The following HLCS variants were observed in gnomAD, a reference collection of about 807,000 sequenced individuals.
The protein encoded by HLCS is biotin--protein ligase.
In HLCS, 53 loss-of-function variants were observed where a neutral mutation model predicts 75.0. The ratio of observed to expected loss-of-function variants is 0.71; its 90% CI spans 0.57 to 0.89. HLCS has a LOEUF of 0.89. Ranked by LOEUF, HLCS falls within the 40% of genes least tolerant of loss-of-function variation. HLCS has a pLI of 0.00. For synonymous variants in HLCS, 431 were observed against 428.6 expected, an observed-to-expected ratio of 1.01 and a Z score of -0.07; for missense variants, 966 against 1,074.0, an observed-to-expected ratio of 0.90 and a Z score of 1.41.
upstream of HLCS, among the ~76,000 whole-genome samples, chr21:36,969,815 G>A (rs145929508): frequency 1.6e-4 from 24 of 152,018 alleles, no homozygotes; most frequent in African/African-American, 3.9e-4. Context: ...TCAGGTGATC[G>A]TCCCACCTCA....
At chr21:36,783,449 C>T (rs779750049) in intron 6 of HLCS, among the ~76,000 whole-genome samples, 14 of 152,282 alleles carry the variant, frequency 9.2e-5, no homozygotes, top group Middle Eastern at 6.8e-3. Flanking sequence ...CTTCTGGTTC[C>T]TTCAATGATT....
intron 7 of HLCS, among the ~76,000 whole-genome samples, chr21:36,765,438 G>A (rs766720033): frequency 6.6e-5 from 10 of 152,130 alleles, no homozygotes; most frequent in African/African-American, 9.7e-5. Flanking sequence ...GTCTTACAGC[G>A]TCTGAACATG....
At chr21:36,875,428 C>T (rs1053556664) in intron 6 of HLCS, among the ~76,000 whole-genome samples, 2 of 152,338 alleles carry the variant, frequency 1.3e-5, no homozygotes, top group East Asian at 1.9e-4. Context: ...CAGCCACTCA[C>T]ACTCTCCTCT....
intron 4 of HLCS, among the ~76,000 whole-genome samples, chr21:36,935,812 C>T (rs1037385644): frequency 1.5e-4 from 23 of 152,216 alleles, no homozygotes; most frequent in Non-Finnish European, 3.1e-4. Context: ...GAAAAAGAAA[C>T]TAGCATTTTC....
chr21:36,912,840 C>T (rs900772644), intron 5 of HLCS, among the ~76,000 whole-genome samples: 9 of 152,130 alleles, frequency 5.9e-5, no homozygotes, highest in Non-Finnish European at 1.2e-4. Context: ...CGAGGGGTCT[C>T]GCTGTGCTCT....
chr21:36,863,338 G>C (rs932047205), intron 6 of HLCS, among the ~76,000 whole-genome samples: 2 of 152,054 alleles, frequency 1.3e-5, no homozygotes, highest in Non-Finnish European at 2.9e-5. Context: ...GACCATCGCC[G>C]ATCCACTGAG....
At chr21:36,946,468 C>A in intron 2 of HLCS, among the ~76,000 whole-genome samples, 1 of 152,028 alleles carries the variant, frequency 6.6e-6, no homozygotes, top group Non-Finnish European at 1.5e-5. Context: ...TCTCAAACTC[C>A]TGAGCTCAAG....
At chr21:36,902,271 T>C (rs2065267312) in intron 5 of HLCS, among the ~76,000 whole-genome samples, 1 of 152,098 alleles carries the variant, frequency 6.6e-6, no homozygotes, top group South Asian at 2.1e-4. Context: ...TTGTTTGGTT[T>C]AGAGGGGAGA....
intron 6 of HLCS, among the ~76,000 whole-genome samples, chr21:36,782,127 T>C (rs2060554074): frequency 6.6e-6 from 1 of 152,198 alleles, no homozygotes; most frequent in Non-Finnish European, 1.5e-5. Flanking sequence ...CCTGTAATTT[T>C]TATACTGTCT....
chr21:36,780,901 A>G (rs2060507176), intron 6 of HLCS, among the ~76,000 whole-genome samples: 1 of 151,980 alleles, frequency 6.6e-6, no homozygotes, highest in Non-Finnish European at 1.5e-5. Flanking sequence ...AGAGTTTCTT[A>G]TATATTAGGG....
intron 6 of HLCS, among the ~76,000 whole-genome samples, chr21:36,772,462 C>G (rs2060236258): frequency 6.6e-6 from 1 of 151,268 alleles, no homozygotes; most frequent in Non-Finnish European, 1.5e-5. Flanking sequence ...CATGGCAAAA[C>G]CCCATGTCTA....
intron 5 of HLCS, among the ~76,000 whole-genome samples, chr21:36,915,983 T>C (rs1175007674): frequency 1.3e-5 from 2 of 151,944 alleles, no homozygotes; most frequent in Non-Finnish European, 2.9e-5. Context: ...CCAAATAAAA[T>C]GTGCTTACTA....
chr21:36,899,290 A>G (rs1601674564), intron 5 of HLCS, among the ~76,000 whole-genome samples: 1 of 152,088 alleles, frequency 6.6e-6, no homozygotes, highest in East Asian at 1.9e-4. Context: ...CATAATTAAG[A>G]GTAAAAAAAA....
intron 5 of HLCS, among the ~76,000 whole-genome samples, chr21:36,914,659 C>T (rs981037346): frequency 2.0e-5 from 3 of 152,216 alleles, no homozygotes; most frequent in African/African-American, 7.2e-5. Context: ...CCAAGCCAAA[C>T]AGGCTCACTG....
intron 6 of HLCS, among the ~76,000 whole-genome samples, chr21:36,821,831 T>C (rs879701926): frequency 1.3e-5 from 2 of 152,136 alleles, no homozygotes; most frequent in South Asian, 2.1e-4. Flanking sequence ...AGAGGAATTT[T>C]AAACGCACGC....
chr21:36,792,651 C>G (rs1031905876), intron 6 of HLCS, among the ~76,000 whole-genome samples: 7 of 152,170 alleles, frequency 4.6e-5, no homozygotes, highest in South Asian at 2.1e-4. Flanking sequence ...GCTCAGAGAA[C>G]TGAAGTTACT....
At chr21:36,971,310 T>C (rs542076426), upstream of HLCS, among the ~76,000 whole-genome samples, 1 of 152,270 alleles carries the variant, frequency 6.6e-6, no homozygotes, top group African/African-American at 2.4e-5. Flanking sequence ...GATTCTTGAA[T>C]GGGTGCTCTT....
At chr21:36,811,433 G>A (rs1470963605) in intron 6 of HLCS, among the ~76,000 whole-genome samples, 1 of 152,180 alleles carries the variant, frequency 6.6e-6, no homozygotes, top group Admixed American at 6.5e-5. Flanking sequence ...CAGGGAGGCG[G>A]ACACCTCTGC....
At chr21:36,923,183 C>T (rs570074074) in intron 5 of HLCS, among the ~76,000 whole-genome samples, 1 of 152,282 alleles carries the variant, frequency 6.6e-6, no homozygotes, top group South Asian at 2.1e-4. Context: ...GACAAAAATC[C>T]GCGTGTGAGA....
Sources: allele counts gnomAD v4.1 joint callset (sites outside exome capture counted in the v4.1 genomes callset), GRCh38; gene constraint gnomAD v4.1.1; transcripts MANE v1.5; gene names NCBI Gene and HGNC (gene_info 2026-07-23, HGNC 2026-07-21).